Variants in NCK2 observed in about 807,000 individuals in gnomAD.
NCK2 encodes the protein cytoplasmic protein NCK2.
In NCK2, 16 loss-of-function variants were observed where a neutral mutation model predicts 33.9. That is an observed-to-expected ratio of 0.47 (90% CI 0.32 to 0.72). NCK2 has a LOEUF of 0.72. Among genes scored for constraint, NCK2 ranks in the 30% least tolerant of loss-of-function variants. The probability of loss-of-function intolerance (pLI) is 0.03; values close to 1 mark genes in which losing one functional copy is unlikely to be tolerated. For synonymous variants in NCK2, 273 were observed against 239.9 expected, an observed-to-expected ratio of 1.14 and a Z score of -1.27; for missense variants, 418 against 537.3, an observed-to-expected ratio of 0.78 and a Z score of 2.19.
intron 1 of NCK2, among the ~76,000 whole-genome samples, chr2:105,815,747 A>G (rs572920937): frequency 7.9e-5 from 12 of 152,306 alleles, no homozygotes; most frequent in Admixed American, 7.2e-4. Flanking sequence ...TTCTCAACAA[A>G]TGGCTGGTGC....
At chr2:105,777,743 G>A (rs1033660177) in intron 1 of NCK2, among the ~76,000 whole-genome samples, 1 of 152,158 alleles carries the variant, frequency 6.6e-6, no homozygotes, top group Non-Finnish European at 1.5e-5. Context: ...TATGTTGTGG[G>A]TGGAGAAGCA....
At chr2:105,820,835 G>A (rs1467541951) in intron 2 of NCK2, among the ~76,000 whole-genome samples, 6 of 152,240 alleles carry the variant, frequency 3.9e-5, no homozygotes, top group Admixed American at 2.0e-4. Flanking sequence ...GAAGGATGGT[G>A]TAGTGGGATA....
At chr2:105,840,658 G>A (rs889758639) in intron 2 of NCK2, among the ~76,000 whole-genome samples, 3 of 152,182 alleles carry the variant, frequency 2.0e-5, no homozygotes, top group African/African-American at 7.2e-5. Context: ...AGTAATTCTG[G>A]CTATAAACTG....
chr2:105,842,856 G>A (rs865896318), intron 2 of NCK2, among the ~76,000 whole-genome samples: 1 of 150,808 alleles, frequency 6.6e-6, no homozygotes, highest in Non-Finnish European at 1.5e-5. Flanking sequence ...GGGGGTGGAC[G>A]CTGTGAGAAA....
At chr2:105,830,695 G>GTGTGTGTGTGTGTGTGTA (rs1553458076) in intron 2 of NCK2, among the ~76,000 whole-genome samples, 5 of 150,868 alleles carry the variant, frequency 3.3e-5, no homozygotes, top group African/African-American at 7.3e-5. Context: ...GTGTGTGTGT[G>GTGTGTGTGTGTGTGTGTA]TGTGTGTGTG....
At chr2:105,822,354 C>T (rs1043708510) in intron 2 of NCK2, among the ~76,000 whole-genome samples, 3 of 150,186 alleles carry the variant, frequency 2.0e-5, no homozygotes, top group Non-Finnish European at 1.5e-5. Context: ...TGCTCAGAGT[C>T]GCCTTGTGTT....
At chr2:105,869,724 G>A (rs1677919513) in intron 3 of NCK2, among the ~76,000 whole-genome samples, 2 of 152,132 alleles carry the variant, frequency 1.3e-5, no homozygotes, top group Non-Finnish European at 2.9e-5. Flanking sequence ...TCCTTGCCGC[G>A]TCTTGTACAC....
At chr2:105,801,112 G>A (rs1674817079) in intron 1 of NCK2, among the ~76,000 whole-genome samples, 2 of 152,242 alleles carry the variant, frequency 1.3e-5, no homozygotes, top group Admixed American at 6.5e-5. Flanking sequence ...TTGATGCAGT[G>A]TGGCTTGATG....
At chr2:105,805,612 C>G (rs956512235) in intron 1 of NCK2, among the ~76,000 whole-genome samples, 2 of 152,162 alleles carry the variant, frequency 1.3e-5, no homozygotes, top group Non-Finnish European at 2.9e-5. Flanking sequence ...TCCCTACCTT[C>G]CAGCCCCTGT....
chr2:105,761,896 C>T (rs1008694953), intron 1 of NCK2, among the ~76,000 whole-genome samples: 3 of 152,172 alleles, frequency 2.0e-5, no homozygotes, highest in African/African-American at 7.2e-5. Flanking sequence ...CAGACATGTG[C>T]GCTGACCCTT....
intron 1 of NCK2, among the ~76,000 whole-genome samples, chr2:105,797,179 C>A (rs1691108906): frequency 1.3e-5 from 2 of 152,192 alleles, no homozygotes. Flanking sequence ...ACATTGATTT[C>A]TAATCCTTTC....
chr2:105,746,836 T>C (rs961715685), intron 1 of NCK2, among the ~76,000 whole-genome samples: 1 of 152,206 alleles, frequency 6.6e-6, no homozygotes, highest in African/African-American at 2.4e-5. Flanking sequence ...TTAGTGGTCT[T>C]CTGGCGGCTA....
intron 2 of NCK2, among the ~76,000 whole-genome samples, chr2:105,832,513 C>T (rs1442075960): frequency 6.6e-6 from 1 of 152,150 alleles, no homozygotes; most frequent in Non-Finnish European, 1.5e-5. Flanking sequence ...TGAAGGAATA[C>T]TGAATTTTAT....
At chr2:105,840,851 T>C (rs1191615583) in intron 2 of NCK2, among the ~76,000 whole-genome samples, 1 of 152,196 alleles carries the variant, frequency 6.6e-6, no homozygotes, top group Non-Finnish European at 1.5e-5. Flanking sequence ...CTTTTCCTAA[T>C]GAACAGCTGT....
intron 1 of NCK2, among the ~76,000 whole-genome samples, chr2:105,765,666 G>GT (rs72433026): frequency 6.9e-4 from 102 of 148,550 alleles, no homozygotes; most frequent in Admixed American, 7.3e-4. Context: ...TGGGTAGTGG[G>GT]TTTTTTTTTT....
intron 1 of NCK2, among the ~76,000 whole-genome samples, chr2:105,814,627 G>C (rs1419751580): frequency 6.6e-6 from 1 of 152,190 alleles, no homozygotes; most frequent in East Asian, 1.9e-4. Flanking sequence ...AGAGATTAGA[G>C]ATGTGCAAAG....
chr2:105,842,080 T>G (rs1676669763), intron 2 of NCK2, among the ~76,000 whole-genome samples: 1 of 151,574 alleles, frequency 6.6e-6, no homozygotes, highest in African/African-American at 2.4e-5. Context: ...ATAGTATTTG[T>G]GGGGGTTTTT....
Position 105,825,783 on chromosome 2 carries a change from T to C in NCK2, c.-17+9170T>C, listed in dbSNP as rs576695965. ...TTTACAGAAGGCAGTAAATATACAC[T>C]CTGCTCTGTCAGTTACAGTATAACC... is the stretch of plus-strand genomic sequence containing the variant. On this transcript the variant is annotated intron_variant, in intron 2 of 4. Coordinates refer to ENST00000233154, the MANE Select transcript of NCK2 (RefSeq NM_003581.5). Among the ~76,000 whole-genome samples the C allele has an allele frequency of 1.2e-3, 180 of 152,332 alleles. 1 individual carries two copies. The highest frequency in any genetic ancestry group is 4.2e-3 in the African/African-American group (174 of 41,566).
intron 1 of NCK2, among the ~76,000 whole-genome samples, chr2:105,757,151 A>G (rs1450972673): frequency 2.0e-5 from 3 of 152,082 alleles, no homozygotes; most frequent in South Asian, 2.1e-4. Flanking sequence ...AACTTCAACA[A>G]TCTTGATTCT....
Sources: gnomAD v4.1 joint callset for allele counts (sites outside exome capture counted in the v4.1 genomes callset) on GRCh38, gnomAD v4.1.1 for gene constraint, MANE v1.5 for transcripts, NCBI Gene and HGNC (gene_info 2026-07-23, HGNC 2026-07-21) for gene names.